Variants in ENO4 observed in about 807,000 individuals in gnomAD.
The protein encoded by ENO4 is enolase 4, also known as 2-phospho-D-glycerate hydro-lyase.
ENO4 carries 53 observed loss-of-function variants against 63.2 expected under a neutral mutation model. The ratio of observed to expected loss-of-function variants is 0.84; its 90% CI spans 0.67 to 1.05. ENO4 has a LOEUF of 1.05. Among genes scored for constraint, ENO4 ranks in the 50% least tolerant of loss-of-function variants. The pLI, the probability that ENO4 is intolerant of heterozygous loss-of-function variation, is 0.00. For missense variants in ENO4, 719 were observed against 772.0 expected (o/e 0.93, Z 0.81); for synonymous variants, 266 against 283.8 (o/e 0.94, Z 0.63).
intron 10 of ENO4, among the ~76,000 whole-genome samples, chr10:116,905,791 T>C (rs1847944802): frequency 6.6e-6 from 1 of 152,244 alleles, no homozygotes; most frequent in African/African-American, 2.4e-5. Flanking sequence ...AGGTAGTTTT[T>C]TGAAGTCGGC....
Position 116,849,739 on chromosome 10 carries a change from C to T in ENO4, c.165+8C>T. ...GACGTCTACGGGCACCTGGTAGGGA[C>T]CTGGGACAAGCGCTCTCCTCCCGCC... is the stretch of plus-strand genomic sequence containing the variant. On this transcript the variant is annotated splice_region_variant and intron_variant, in intron 1 of 13. Coordinates refer to ENST00000341276, the MANE Select transcript of ENO4 (RefSeq NM_001242699.2). 6.6e-7 allele frequency: 1 copy of T among 1,505,348 alleles called. No individual in the cohort carries two copies. Among genetic ancestry groups the T allele is most frequent in the South Asian group, 1.3e-5 (1 of 77,232 alleles). 93.2% of individuals were successfully genotyped at this position (1,505,348 alleles called of 1,614,324 possible).
At position 116,879,293 on chromosome 10, in the gene ENO4, A is replaced by T; in HGVS notation, c.1540A>T (p.Lys514Ter). ...LVEITNLIDS[K>*]KHITVFGSTE... ...ACTGAAAGAAATTCCTCTTCCAGGT[A>T]AGAAGCACATCACTGTCTTTGGAAG... Residue 514 changes from lysine to a stop codon, truncating the protein, a stop_gained and splice_region_variant, in exon 12 of 14, where the codon AAG becomes TAG. Coordinates refer to ENST00000341276, the MANE Select transcript of ENO4 (RefSeq NM_001242699.2). LOFTEE classifies it high-confidence loss of function. The T allele has an allele frequency of 6.5e-7, 1 of 1,549,100 alleles. No homozygotes were observed. The highest frequency in any genetic ancestry group is 8.7e-7 in the Non-Finnish European group (1 of 1,145,872).
At chr10:116,906,342 G>A (rs1589794523) in intron 10 of ENO4, among the ~76,000 whole-genome samples, 2 of 152,136 alleles carry the variant, frequency 1.3e-5, no homozygotes, top group East Asian at 1.9e-4. Context: ...TATTGTTGCC[G>A]AATCTCTTCC....
downstream of ENO4, among the ~76,000 whole-genome samples, chr10:116,886,800 C>T (rs1440007806): frequency 2.0e-5 from 3 of 152,220 alleles, no homozygotes; most frequent in Non-Finnish European, 4.4e-5. Flanking sequence ...GAGCGATTAA[C>T]TACAGAAGTG....
At chr10:116,892,447 T>C (rs1399779438) in intron 10 of ENO4, among the ~76,000 whole-genome samples, 2 of 152,344 alleles carry the variant, frequency 1.3e-5, no homozygotes, top group African/African-American at 4.8e-5. Context: ...TAAGTCATCA[T>C]GGAAAATCCA....
intron 9 of ENO4, among the ~76,000 whole-genome samples, chr10:116,871,725 T>A (rs906905766): frequency 6.6e-6 from 1 of 152,192 alleles, no homozygotes; most frequent in Non-Finnish European, 1.5e-5. Flanking sequence ...AATATAAAAA[T>A]TTTTCCAAGT....
rs182977703 is a variant in ENO4 at position 116,899,660 on chromosome 10, G to T, written c.1195-11839G>T. On this transcript the variant is annotated intron_variant, in intron 10 of 10. Transcript: ENST00000369207. Reference sequence around the variant, plus strand: ...GTCAAGAGCCAATAGCGCCACTCACGTGAAACACTAACGGTGGTGTTGCCA... The same window carrying T: ...GTCAAGAGCCAATAGCGCCACTCACTTGAAACACTAACGGTGGTGTTGCCA... Among the ~76,000 whole-genome samples the T allele has an allele frequency of 3.4e-4, 52 of 152,262 alleles. No individual in the cohort carries two copies. The East Asian group carries it at 7.5e-3, about 22-fold the overall frequency.
intron 12 of ENO4, 65 bp from the exon 13 acceptor site, chr10:116,879,804 G>A: frequency 8.1e-7 from 1 of 1,230,184 alleles, no homozygotes; most frequent in Non-Finnish European, 1.1e-6. Context: ...TGTCTTTAAA[G>A]AATTGTTTGT....
chr10:116,857,544 G>T (rs1240109452), intron 3 of ENO4, among the ~76,000 whole-genome samples: 1 of 152,090 alleles, frequency 6.6e-6, no homozygotes, highest in African/African-American at 2.4e-5. Context: ...CCAATAGAAG[G>T]TCAATTGGAT....
intron 10 of ENO4, among the ~76,000 whole-genome samples, chr10:116,903,511 G>A (rs542712469): frequency 1.1e-4 from 16 of 151,884 alleles, no homozygotes; most frequent in Non-Finnish European, 2.1e-4. Context: ...GGCGACAAGA[G>A]AGACTTCATC....
chr10:116,878,610 C>A (rs1473975733), intron 11 of ENO4, among the ~76,000 whole-genome samples: 1 of 152,118 alleles, frequency 6.6e-6, no homozygotes, highest in African/African-American at 2.4e-5. Flanking sequence ...ATGCATTTTT[C>A]TACACTGAAC....
At chr10:116,855,343 A>T (rs1355776248) in intron 1 of ENO4, among the ~76,000 whole-genome samples, 1 of 152,134 alleles carries the variant, frequency 6.6e-6, no homozygotes, top group Non-Finnish European at 1.5e-5. Flanking sequence ...TAAGAAACGT[A>T]TGCAAGTTTC....
At chr10:116,869,215 C>T (rs1158600431) in intron 8 of ENO4, among the ~76,000 whole-genome samples, 2 of 152,202 alleles carry the variant, frequency 1.3e-5, no homozygotes, top group Non-Finnish European at 1.5e-5. Context: ...AAAACCCGTT[C>T]GCTGGCTTCA....
intron 10 of ENO4, among the ~76,000 whole-genome samples, chr10:116,899,546 T>TGTGTGTGTGTGTGTGA (rs1311755308): frequency 1.5e-4 from 18 of 123,804 alleles, no homozygotes; most frequent in African/African-American, 5.2e-4. Context: ...TGTGTGTGTG[T>TGTGTGTGTGTGTGTGA]GAGAGAGTGC....
intron 7 of ENO4, among the ~76,000 whole-genome samples, chr10:116,863,356 TCACACACACA>T (rs10646641): frequency 4.8e-5 from 7 of 147,298 alleles, no homozygotes; most frequent in African/African-American, 1.3e-4. Flanking sequence ...CTGTGGGGCT[TCACACACACA>T]CACACACACA....
At chr10:116,862,950 T>C (rs1846454385) in intron 7 of ENO4, 98 bp downstream of exon 7, 1 of 858,496 alleles carries the variant, frequency 1.2e-6, no homozygotes, top group Non-Finnish European at 1.9e-6. Flanking sequence ...TTGTGGTTGA[T>C]ATGGAGAATG....
At chr10:116,866,829 A>G (rs921320919) in intron 7 of ENO4, among the ~76,000 whole-genome samples, 1 of 151,778 alleles carries the variant, frequency 6.6e-6, no homozygotes, top group Non-Finnish European at 1.5e-5. Context: ...AAAATCCTGT[A>G]TGGGAGGAAC....
At chr10:116,869,009 G>A (rs897688449) in intron 8 of ENO4, among the ~76,000 whole-genome samples, 10 of 152,152 alleles carry the variant, frequency 6.6e-5, no homozygotes, top group Admixed American at 2.0e-4. Flanking sequence ...TTGGGAAGTC[G>A]AATCTCTCTG....
intron 10 of ENO4, chr10:116,900,766 A>G: frequency 1.0e-6 from 1 of 984,942 alleles, no homozygotes; most frequent in Non-Finnish European, 1.2e-6. Context: ...AAAAGAAAGG[A>G]AACACATGAC....
Sources: gnomAD v4.1 joint callset for allele counts (sites outside exome capture counted in the v4.1 genomes callset) on GRCh38, gnomAD v4.1.1 for gene constraint, MANE v1.5 for transcripts, NCBI Gene and HGNC (gene_info 2026-07-23, HGNC 2026-07-21) for gene names.